Variants in PRKCE observed in about 807,000 individuals in gnomAD.
PRKCE encodes protein kinase C epsilon.
PRKCE carries 16 observed loss-of-function variants against 85.4 expected under a neutral mutation model. The ratio of observed to expected loss-of-function variants is 0.19; its 90% CI spans 0.13 to 0.28. PRKCE has a LOEUF of 0.28. PRKCE is among the 10% of genes least tolerant of loss of function. PRKCE has a pLI of 1.00. For missense variants in PRKCE, 573 were observed against 975.2 expected, an observed-to-expected ratio of 0.59 and a Z score of 5.49; for synonymous variants, 388 against 371.5, an observed-to-expected ratio of 1.04 and a Z score of -0.51.
intron 1 of PRKCE, among the ~76,000 whole-genome samples, chr2:45,663,848 G>C (rs1380418871): frequency 6.6e-6 from 1 of 151,518 alleles, no homozygotes; most frequent in African/African-American, 2.4e-5. Flanking sequence ...GCAGTCAGGA[G>C]ACCAGTTAAG....
At position 45,684,191 on chromosome 2, in the gene PRKCE, T is replaced by A. The variant is rs75731259; in HGVS notation, c.348+31743T>A. On this transcript the variant is annotated intron_variant, in intron 1 of 14. Transcript: ENST00000306156. ...AACCTGCTCCCAGGAGCTTCTGAAG[T>A]TGGCCATTTAGAACCCAGTGTGAAT... Among the ~76,000 whole-genome samples the A allele has an allele frequency of 2.6e-5, 4 of 152,244 alleles. No individual in the cohort carries two copies. In the East Asian group the frequency reaches 7.7e-4, roughly 29 times the overall value.
intron 2 of PRKCE, among the ~76,000 whole-genome samples, chr2:45,847,998 C>T (rs1691934498): frequency 6.6e-6 from 1 of 152,208 alleles, no homozygotes; most frequent in Non-Finnish European, 1.5e-5. Flanking sequence ...GTTAATAATT[C>T]TTCCTACTGA....
At chr2:45,754,244 C>A (rs958833681) in intron 1 of PRKCE, among the ~76,000 whole-genome samples, 8 of 152,152 alleles carry the variant, frequency 5.3e-5, no homozygotes, top group African/African-American at 1.7e-4. Context: ...TGCTGAGATG[C>A]TTTCACTTTA....
At chr2:45,992,426 G>C (rs536838131) in intron 6 of PRKCE, among the ~76,000 whole-genome samples, 2 of 152,144 alleles carry the variant, frequency 1.3e-5, no homozygotes, top group African/African-American at 2.4e-5. Flanking sequence ...ATGACCCCAG[G>C]GGGGCATCCC....
intron 1 of PRKCE, among the ~76,000 whole-genome samples, chr2:45,779,767 AGT>A (rs899688166): frequency 5.9e-5 from 9 of 152,330 alleles, no homozygotes; most frequent in Admixed American, 5.9e-4. Flanking sequence ...ATGCATATGT[AGT>A]GTGATTTATT....
At chr2:45,843,135 C>CA (rs397978888) in intron 2 of PRKCE, 72 bp downstream of exon 2, 31 of 1,350,750 alleles carry the variant, frequency 2.3e-5, no homozygotes, top group South Asian at 2.0e-4. Context: ...TTCTTTCCCC[C>CA]CCTTGGCCGG....
At chr2:45,668,138 C>T (rs990377471) in intron 1 of PRKCE, among the ~76,000 whole-genome samples, 2 of 152,076 alleles carry the variant, frequency 1.3e-5, no homozygotes, top group South Asian at 2.1e-4. Flanking sequence ...GTCAGGAGTT[C>T]GAGACCAGCC....
At chr2:45,758,658 C>A (rs562693110) in intron 1 of PRKCE, among the ~76,000 whole-genome samples, 3 of 152,184 alleles carry the variant, frequency 2.0e-5, no homozygotes, top group African/African-American at 4.8e-5. Context: ...AGGTATGTAT[C>A]TTTATTTGCT....
Position 46,155,301 on chromosome 2 carries a change from G to A in PRKCE, c.1920+4072G>A, listed in dbSNP as rs1026972941. On this transcript the variant is annotated intron_variant, in intron 13 of 14. Coordinates refer to ENST00000306156, the MANE Select transcript of PRKCE (RefSeq NM_005400.3). This position sits in a 1 kb window ranked among gnomAD's most constrained non-coding sequence, Gnocchi z 4.7. ...GAAAACTTTGACCTGGGTGCCTCTT[G>A]GGTGAATCTTTGATGGACCCCTTCA... is the stretch of plus-strand genomic sequence containing the variant. 3.3e-5 allele frequency among the ~76,000 whole-genome samples: 5 copies of A among 152,174 alleles called. No individual in the cohort carries two copies. The highest frequency in any genetic ancestry group is 7.4e-5 in the Non-Finnish European group (5 of 68,016).
intron 11 of PRKCE, among the ~76,000 whole-genome samples, chr2:46,099,498 G>GT (rs1272251787): frequency 6.7e-5 from 9 of 133,550 alleles, no homozygotes; most frequent in Middle Eastern, 3.9e-3. Context: ...ATAAGGTATG[G>GT]TATTTTTTTT....
chr2:46,133,973 A>G (rs1012757529), intron 11 of PRKCE, among the ~76,000 whole-genome samples: 6 of 152,220 alleles, frequency 3.9e-5, no homozygotes, highest in African/African-American at 1.2e-4. Context: ...CCTCACAACA[A>G]GAGGGTGTTG....
intron 1 of PRKCE, among the ~76,000 whole-genome samples, chr2:45,718,298 C>A (rs1480850153): frequency 6.6e-6 from 1 of 150,954 alleles, no homozygotes; most frequent in Admixed American, 6.6e-5. Flanking sequence ...ATGAGGAAGG[C>A]TCCAGCAATT....
At chr2:46,006,871 G>A (rs1377112453) in intron 8 of PRKCE, among the ~76,000 whole-genome samples, 3 of 152,142 alleles carry the variant, frequency 2.0e-5, no homozygotes, top group East Asian at 1.9e-4. Context: ...TTAATAATAA[G>A]CCCATTGCTC....
chr2:45,691,320 C>T (rs1404199181), intron 1 of PRKCE, among the ~76,000 whole-genome samples: 1 of 152,146 alleles, frequency 6.6e-6, no homozygotes, highest in African/African-American at 2.4e-5. Flanking sequence ...GCAGTGTCTC[C>T]AGAGAGACTG....
chr2:46,169,414 A>G (rs1678667866), intron 14 of PRKCE, among the ~76,000 whole-genome samples: 1 of 151,978 alleles, frequency 6.6e-6, no homozygotes, highest in East Asian at 1.9e-4. Flanking sequence ...GCAGCCCTTC[A>G]CCCTCCATGT....
At chr2:46,105,948 T>G (rs1205212162) in intron 11 of PRKCE, among the ~76,000 whole-genome samples, 1 of 152,242 alleles carries the variant, frequency 6.6e-6, no homozygotes, top group East Asian at 1.9e-4. Flanking sequence ...AAATTTTAAC[T>G]TTTTATGTTA....
At chr2:45,806,893 C>G (rs1437720290) in intron 1 of PRKCE, among the ~76,000 whole-genome samples, 1 of 152,152 alleles carries the variant, frequency 6.6e-6, no homozygotes, top group East Asian at 1.9e-4. Context: ...GGGCTTGCTG[C>G]TTAGAGCTTC....
intron 1 of PRKCE, among the ~76,000 whole-genome samples, chr2:45,770,209 C>G (rs73926069): frequency 6.6e-6 from 1 of 152,148 alleles, no homozygotes; most frequent in Non-Finnish European, 1.5e-5. Flanking sequence ...CCCTCCTGTC[C>G]GGGGAGTTGC....
At chr2:45,700,189 G>A (rs553659942) in intron 1 of PRKCE, among the ~76,000 whole-genome samples, 11 of 146,804 alleles carry the variant, frequency 7.5e-5, no homozygotes, top group South Asian at 4.4e-4. Context: ...CCAGGGTCTC[G>A]GTGGAGAGGT....
Sources: allele counts gnomAD v4.1 joint callset (sites outside exome capture counted in the v4.1 genomes callset), GRCh38; gene constraint gnomAD v4.1.1; non-coding constraint Gnocchi (gnomAD v3.1); transcripts MANE v1.5; gene names NCBI Gene and HGNC (gene_info 2026-07-23, HGNC 2026-07-21).